Variants in SNTG1 observed in about 807,000 individuals in gnomAD.
SNTG1 encodes gamma-1-syntrophin.
In SNTG1, 39 loss-of-function variants were observed where a neutral mutation model predicts 74.7. The observed-to-expected ratio is 0.52, with a 90% CI of 0.40 to 0.68. SNTG1 has a LOEUF of 0.68. SNTG1 is among the 30% of genes least tolerant of loss of function. The pLI is 0.00. For synonymous variants in SNTG1, 254 were observed against 217.1 expected, an observed-to-expected ratio of 1.17 and a Z score of -1.49; for missense variants, 685 against 609.5, an observed-to-expected ratio of 1.12 and a Z score of -1.30.
chr8:50,181,351 T>A (rs1272260716), intron 2 of SNTG1, among the ~76,000 whole-genome samples: 1 of 152,250 alleles, frequency 6.6e-6, no homozygotes. Context: ...TATCATAAAC[T>A]TGACTGTAGT....
chr8:50,517,995 G>C (rs753675601), intron 9 of SNTG1, among the ~76,000 whole-genome samples: 4 of 152,082 alleles, frequency 2.6e-5, no homozygotes, highest in Non-Finnish European at 5.9e-5. Context: ...CAAATCAACA[G>C]AATATACATT....
At chr8:50,269,460 T>C (rs1021550347) in intron 2 of SNTG1, among the ~76,000 whole-genome samples, 2 of 152,170 alleles carry the variant, frequency 1.3e-5, no homozygotes, top group African/African-American at 4.8e-5. Flanking sequence ...GTGTTACCAC[T>C]CGGGGAAATG....
At chr8:50,730,721 A>T (rs934298038) in intron 17 of SNTG1, among the ~76,000 whole-genome samples, 1 of 152,232 alleles carries the variant, frequency 6.6e-6, no homozygotes, top group Non-Finnish European at 1.5e-5. Context: ...AGAAAGATCC[A>T]TCATAAAATA....
intron 1 of SNTG1, among the ~76,000 whole-genome samples, chr8:50,110,580 A>C (rs1241002942): frequency 1.3e-5 from 2 of 152,198 alleles, no homozygotes; most frequent in Non-Finnish European, 2.9e-5. Flanking sequence ...AAAGCCTGGA[A>C]GAGCAAGGGG....
chr8:50,303,874 T>G (rs1022395376), intron 2 of SNTG1, among the ~76,000 whole-genome samples: 1 of 152,284 alleles, frequency 6.6e-6, no homozygotes, highest in African/African-American at 2.4e-5. Flanking sequence ...ATTTTATTTT[T>G]TAACTTTAAA....
At chr8:50,054,652 A>G (rs1435571197) in intron 1 of SNTG1, among the ~76,000 whole-genome samples, 1 of 151,918 alleles carries the variant, frequency 6.6e-6, no homozygotes, top group Non-Finnish European at 1.5e-5. Flanking sequence ...CTCCTTGCCT[A>G]CTGTTCCAGC....
At chr8:50,495,392 C>A (rs764929904) in intron 8 of SNTG1, among the ~76,000 whole-genome samples, 1 of 151,992 alleles carries the variant, frequency 6.6e-6, no homozygotes, top group Non-Finnish European at 1.5e-5. Context: ...TCTAGCTTTT[C>A]CAGCTCTGTC....
chr8:50,340,498 T>C (rs1400182185), intron 2 of SNTG1, among the ~76,000 whole-genome samples: 3 of 152,112 alleles, frequency 2.0e-5, no homozygotes, highest in East Asian at 3.9e-4. Flanking sequence ...GTAGTGCTGT[T>C]AACAACTGGA....
chr8:50,692,683 G>T (rs192044653), intron 15 of SNTG1, among the ~76,000 whole-genome samples: 1 of 152,198 alleles, frequency 6.6e-6, no homozygotes. Flanking sequence ...TCCCAGTTAG[G>T]CTACTTGGGG....
At chr8:50,377,812 A>T (rs1041419091) in intron 2 of SNTG1, among the ~76,000 whole-genome samples, 18 of 152,206 alleles carry the variant, frequency 1.2e-4, no homozygotes, top group African/African-American at 4.1e-4. Context: ...TTTGATTTTT[A>T]AAAAAATTGA....
At chr8:50,614,143 TAAG>T (rs1563648861) in intron 13 of SNTG1, among the ~76,000 whole-genome samples, 1 of 152,122 alleles carries the variant, frequency 6.6e-6, no homozygotes, top group Non-Finnish European at 1.5e-5. Context: ...TTTAATGACT[TAAG>T]AAACAATTGA....
At chr8:50,404,788 C>A (rs189149451) in intron 4 of SNTG1, among the ~76,000 whole-genome samples, 2 of 152,020 alleles carry the variant, frequency 1.3e-5, no homozygotes, top group Non-Finnish European at 2.9e-5. Context: ...AAACTCTGTA[C>A]GCATTAAACA....
At chr8:50,020,493 A>T (rs1187340652) in intron 1 of SNTG1, among the ~76,000 whole-genome samples, 1 of 152,170 alleles carries the variant, frequency 6.6e-6, no homozygotes, top group Non-Finnish European at 1.5e-5. Context: ...TTTAGGAGAT[A>T]ATAAAGTTTC....
chr8:49,999,029 A>C (rs1814501869), intron 1 of SNTG1, among the ~76,000 whole-genome samples: 1 of 152,120 alleles, frequency 6.6e-6, no homozygotes, highest in Non-Finnish European at 1.5e-5. Flanking sequence ...CTACCATGTC[A>C]CCAGGCGAAT....
chr8:50,504,901 G>A lies in SNTG1; in HGVS notation c.466+2021G>A, dbSNP rs148768095. ...ACCATTTTAAGTGTTCAGAAGAGTAGCCTTAAGTCTATGTACATTATTGCG... is the reference window on the plus strand; with the variant it reads ...ACCATTTTAAGTGTTCAGAAGAGTAACCTTAAGTCTATGTACATTATTGCG... On this transcript the variant is annotated intron_variant, in intron 9 of 18. Coordinates refer to ENST00000642720, the MANE Select transcript of SNTG1 (RefSeq NM_018967.5). 1.6e-4 allele frequency among the ~76,000 whole-genome samples: 24 copies of A among 152,162 alleles called. 2 individuals carry two copies. The highest frequency in any genetic ancestry group is 5.5e-4 in the African/African-American group (23 of 41,530).
At chr8:50,186,418 T>G (rs544860661) in intron 2 of SNTG1, among the ~76,000 whole-genome samples, 1 of 152,230 alleles carries the variant, frequency 6.6e-6, no homozygotes, top group Non-Finnish European at 1.5e-5. Flanking sequence ...GAAATCACCT[T>G]AATTCAAATC....
chr8:50,444,665 G>T (rs1212118636), intron 5 of SNTG1, among the ~76,000 whole-genome samples: 1 of 151,068 alleles, frequency 6.6e-6, no homozygotes, highest in African/African-American at 2.4e-5. Context: ...CAGGAAAATC[G>T]CTTGAACCTG....
intron 4 of SNTG1, among the ~76,000 whole-genome samples, chr8:50,437,710 A>T (rs2093318712): frequency 6.6e-6 from 1 of 152,192 alleles, no homozygotes; most frequent in Non-Finnish European, 1.5e-5. Flanking sequence ...GTTCAAAAAG[A>T]TTGATGTAAT....
chr8:50,500,382 A>C (rs1453529492), intron 8 of SNTG1, among the ~76,000 whole-genome samples: 1 of 152,062 alleles, frequency 6.6e-6, no homozygotes, highest in Non-Finnish European at 1.5e-5. Context: ...ATATTTGTAT[A>C]ATATCTATTT....
Sources: allele counts gnomAD v4.1 joint callset (sites outside exome capture counted in the v4.1 genomes callset), GRCh38; gene constraint gnomAD v4.1.1; transcripts MANE v1.5; gene names NCBI Gene and HGNC (gene_info 2026-07-23, HGNC 2026-07-21).